Variants in TPH2 observed in about 807,000 individuals in gnomAD.
TPH2 encodes the protein tryptophan 5-hydroxylase 2.
Under a neutral mutation model 59.1 loss-of-function variants are expected in TPH2, and 27 were observed. The ratio of observed to expected loss-of-function variants is 0.46; its 90% CI spans 0.34 to 0.63. The LOEUF is 0.63. TPH2 is among the 30% of genes least tolerant of loss of function. TPH2 has a pLI of 0.01. For synonymous variants in TPH2, 220 were observed against 210.5 expected (o/e 1.05, Z -0.39); for missense variants, 523 against 588.3 (o/e 0.89, Z 1.15).
chr12:71,955,301 C>G (rs1871462219), intron 5 of TPH2, among the ~76,000 whole-genome samples: 1 of 152,134 alleles, frequency 6.6e-6, no homozygotes. Context: ...TTCGGCCTCT[C>G]CTGGGAGGTT....
At chr12:72,000,237 A>G (rs1318178417) in intron 8 of TPH2, among the ~76,000 whole-genome samples, 1 of 152,254 alleles carries the variant, frequency 6.6e-6, no homozygotes, top group African/African-American at 2.4e-5. Context: ...ATAAAACCAT[A>G]ACCTTGAGGT....
intron 8 of TPH2, among the ~76,000 whole-genome samples, chr12:72,012,149 G>C (rs1324722470): frequency 6.6e-6 from 1 of 150,946 alleles, no homozygotes; most frequent in African/African-American, 2.4e-5. Flanking sequence ...CCGCATGTCA[G>C]GCAGGATGAT....
Position 72,031,634 on chromosome 12 carries a change from G to T in TPH2, c.1412G>T (p.Arg471Leu). The T allele has an allele frequency of 6.2e-7, 1 of 1,613,568 alleles. No homozygotes were observed. The highest frequency in any genetic ancestry group is 8.5e-7 in the Non-Finnish European group (1 of 1,179,580). The change falls in exon 11 of 11, where the codon CGC becomes CTC. Residue 471 changes from arginine (R) to leucine (L), a missense_variant. Arg to Leu is a moderately radical substitution (Grantham distance 102). Transcript: ENST00000333850. ...RSIENVVQDLRSDLNTVCDAL... is the reference protein window; with the variant it reads ...RSIENVVQDLLSDLNTVCDAL... ...ATTGAAAATGTGGTGCAGGACCTTC[G>T]CAGCGACTTGAATACAGTGTGTGAT...
At chr12:72,013,765 T>G (rs1447902245) in intron 8 of TPH2, among the ~76,000 whole-genome samples, 3 of 152,100 alleles carry the variant, frequency 2.0e-5, no homozygotes, top group Non-Finnish European at 2.9e-5. Context: ...CTTAGCACAG[T>G]GGAATTTAGT....
intron 9 of TPH2, among the ~76,000 whole-genome samples, chr12:72,025,494 T>G (rs1873543305): frequency 6.6e-6 from 1 of 152,222 alleles, no homozygotes; most frequent in Admixed American, 6.5e-5. Context: ...TCAGATAACT[T>G]TCATTTTTTC....
intron 4 of TPH2, among the ~76,000 whole-genome samples, chr12:71,948,294 C>A (rs971631772): frequency 6.6e-6 from 1 of 152,006 alleles, no homozygotes; most frequent in African/African-American, 2.4e-5. Flanking sequence ...TTTAAAAACT[C>A]CCAATTCACA....
At chr12:72,007,208 C>T (rs1872977927) in intron 8 of TPH2, among the ~76,000 whole-genome samples, 1 of 151,834 alleles carries the variant, frequency 6.6e-6, no homozygotes, top group Admixed American at 6.6e-5. Context: ...TCGAGCTTCT[C>T]CTTGGAGATG....
intron 7 of TPH2, among the ~76,000 whole-genome samples, chr12:71,990,157 C>T (rs1872548445): frequency 6.6e-6 from 1 of 152,054 alleles, no homozygotes; most frequent in Non-Finnish European, 1.5e-5. Flanking sequence ...CTGACAGGTG[C>T]AATTATGGCC....
chr12:71,984,014 G>T (rs906879818), intron 7 of TPH2, among the ~76,000 whole-genome samples: 1 of 152,150 alleles, frequency 6.6e-6, no homozygotes, highest in Non-Finnish European at 1.5e-5. Context: ...ACCCTTTGCT[G>T]TGTTGTTCCC....
intron 6 of TPH2, 127 bp from the exon 7 acceptor site, chr12:71,978,825 T>C: frequency 8.4e-7 from 1 of 1,189,162 alleles, no homozygotes; most frequent in South Asian, 1.2e-5. Context: ...GTCACTCAGT[T>C]GTCAAGAGGT....
chr12:71,939,037 G>T lies in TPH2; in HGVS notation c.51G>T (p.Gly17=). 2 of 1,614,136 alleles carry T rather than the reference G, an allele frequency of 1.2e-6. No homozygotes were observed. Among genetic ancestry groups the T allele is most frequent in the East Asian group, 2.2e-5 (1 of 44,872 alleles). ...MFSSKYWARR[G]FSLDSAVPEE... ...CCAGTAAATACTGGGCACGGAGAGG[G>T]TTTTCCCTGGATTCAGCAGTGCCCG... Residue 17 remains glycine (G), a synonymous_variant, in exon 1 of 11, where the codon GGG becomes GGT. Transcript: ENST00000333850.
chr12:71,946,265 T>G (rs1592859630), intron 4 of TPH2, among the ~76,000 whole-genome samples: 1 of 152,208 alleles, frequency 6.6e-6, no homozygotes, highest in East Asian at 1.9e-4. Context: ...CTGTATTAAA[T>G]CATCCGGATC....
At chr12:71,942,789 C>T (rs532306755) in intron 2 of TPH2, among the ~76,000 whole-genome samples, 23 of 152,170 alleles carry the variant, frequency 1.5e-4, no homozygotes, top group Non-Finnish European at 3.1e-4. Context: ...CTTTTGACCT[C>T]GAAGAAAGGA....
chr12:71,964,528 C>T (rs1013049919), intron 5 of TPH2: 18 of 984,558 alleles, frequency 1.8e-5, no homozygotes, highest in Non-Finnish European at 1.9e-5. Flanking sequence ...TTTCCAGTCT[C>T]AGAGGCATAA....
At chr12:71,950,249 C>T (rs905061724) in intron 5 of TPH2, among the ~76,000 whole-genome samples, 5 of 152,090 alleles carry the variant, frequency 3.3e-5, no homozygotes, top group Non-Finnish European at 5.9e-5. Flanking sequence ...CACTCGCATC[C>T]GTGTGAAGAG....
chr12:71,957,991 G>A (rs915745580), intron 5 of TPH2, among the ~76,000 whole-genome samples: 2 of 152,150 alleles, frequency 1.3e-5, no homozygotes, highest in African/African-American at 4.8e-5. Context: ...TGTGTTAAAC[G>A]TGTCACTTGA....
intron 5 of TPH2, among the ~76,000 whole-genome samples, chr12:71,957,812 C>T (rs183832665): frequency 1.4e-4 from 21 of 152,198 alleles, no homozygotes; most frequent in Non-Finnish European, 2.9e-4. Flanking sequence ...CCCTCAAAGG[C>T]CTTCCCAGGT....
intron 8 of TPH2, among the ~76,000 whole-genome samples, chr12:71,996,814 C>T (rs1287729351): frequency 1.3e-5 from 2 of 152,144 alleles, no homozygotes; most frequent in Admixed American, 6.5e-5. Context: ...ACATGAATAC[C>T]ATTTTATTGT....
At chr12:71,999,776 G>T (rs1258670664) in intron 8 of TPH2, among the ~76,000 whole-genome samples, 1 of 152,200 alleles carries the variant, frequency 6.6e-6, no homozygotes, top group African/African-American at 2.4e-5. Context: ...AGTGATGTCT[G>T]CAAAAAGCTG....
Sources: allele counts gnomAD v4.1 joint callset (sites outside exome capture counted in the v4.1 genomes callset), GRCh38; gene constraint gnomAD v4.1.1; transcripts MANE v1.5; gene names NCBI Gene and HGNC (gene_info 2026-07-23, HGNC 2026-07-21).